The following SCYL2 variants were observed in gnomAD, a reference collection of about 807,000 sequenced individuals.
SCYL2 encodes the protein SCY1-like protein 2.
SCYL2 carries 36 observed loss-of-function variants against 100.4 expected under a neutral mutation model. The ratio of observed to expected loss-of-function variants is 0.36; its 90% confidence interval spans 0.27 to 0.47. The LOEUF (loss-of-function observed/expected upper bound fraction) is 0.47, where lower values mean the gene tolerates loss of function less well. SCYL2 is among the 20% of genes least tolerant of loss of function. The pLI is 1.00. For synonymous variants in SCYL2, 330 were observed against 359.2 expected (o/e 0.92, Z 0.92); for missense variants, 902 against 1,083.9 (o/e 0.83, Z 2.36).
intron 17 of SCYL2, among the ~76,000 whole-genome samples, chr12:100,338,176 T>C (rs539396890): frequency 3.6e-4 from 55 of 152,340 alleles, no homozygotes; most frequent in African/African-American, 1.3e-3. Flanking sequence ...CAAATTCCTA[T>C]AAAGTTTTGA....
At chr12:100,289,020 T>G (rs1345149256) in intron 2 of SCYL2, among the ~76,000 whole-genome samples, 1 of 151,948 alleles carries the variant, frequency 6.6e-6, no homozygotes, top group Non-Finnish European at 1.5e-5. Context: ...CACATTTAAA[T>G]TGGATACATT....
intron 12 of SCYL2, among the ~76,000 whole-genome samples, chr12:100,327,600 C>T (rs1157041214): frequency 4.6e-5 from 7 of 151,870 alleles, no homozygotes; most frequent in African/African-American, 1.7e-4. Flanking sequence ...CTGCAACCTC[C>T]GCCTCCCGAG....
Position 100,323,517 on chromosome 12 carries a change from C to G in SCYL2, c.1396-8C>G. 6.7e-7 allele frequency: 1 copy of G among 1,486,526 alleles called. No homozygotes were observed. Among genetic ancestry groups the G allele is most frequent in the Non-Finnish European group, 9.3e-7 (1 of 1,073,892 alleles). The allele number at this position is 1,486,526 out of a possible 1,614,324, so 92.1% of individuals were successfully genotyped here. On this transcript the variant is annotated splice_region_variant and splice_polypyrimidine_tract_variant and intron_variant, in intron 10 of 17. Coordinates refer to ENST00000360820, the MANE Select transcript of SCYL2 (RefSeq NM_017988.6). ...CCCTAATATTGATTCAGTTTATTTT[C>G]TTTATAGGAGCTCTGTCTAAACATC...
rs920761343 is a variant in SCYL2 at position 100,340,185 on chromosome 12, A to G, written c.*1013A>G. 1 of 152,620 alleles carries G rather than the reference A, an allele frequency of 6.6e-6. No homozygotes were observed. Among genetic ancestry groups the G allele is most frequent in the African/African-American group, 2.4e-5 (1 of 41,480 alleles). The allele number at this position is 152,620 out of a possible 1,614,324, so 9.5% of individuals were successfully genotyped here. A position where few individuals can be genotyped will look rare whatever the true frequency, so the allele number is the denominator to read the frequency against. ...ACCACCAACAGATTTTCAGCTTGCC[A>G]TGATAGTCTGACCTCATTAATTACT... is the stretch of plus-strand genomic sequence containing the variant. On this transcript the variant is annotated 3_prime_UTR_variant, in exon 18 of 18. Transcript: ENST00000360820.
At chr12:100,274,554 A>G (rs1414348201) in intron 1 of SCYL2, among the ~76,000 whole-genome samples, 1 of 152,192 alleles carries the variant, frequency 6.6e-6, no homozygotes, top group Non-Finnish European at 1.5e-5. Flanking sequence ...ATTTCTTATC[A>G]AACTTCCTTG....
At chr12:100,336,663 T>C (rs1468856963) in intron 16 of SCYL2, among the ~76,000 whole-genome samples, 1 of 152,120 alleles carries the variant, frequency 6.6e-6, no homozygotes. Context: ...TCTGATTCCA[T>C]CTCATAAGTA....
chr12:100,329,540 A>C (rs564214053), intron 13 of SCYL2, among the ~76,000 whole-genome samples: 1 of 152,318 alleles, frequency 6.6e-6, no homozygotes, highest in African/African-American at 2.4e-5. Flanking sequence ...AGGATTTGGG[A>C]CTACTTTAAA....
At chr12:100,314,430 A>T in intron 7 of SCYL2, 59 bp from the exon 8 acceptor site, 1 of 1,264,228 alleles carries the variant, frequency 7.9e-7, no homozygotes, top group Non-Finnish European at 1.1e-6. Context: ...ACAGTTTCAG[A>T]TATGAGAAGT....
rs758289429 is a variant in SCYL2, at chr12:100,298,075, C to T, written c.380C>T (p.Ala127Val). The T allele has an allele frequency of 3.7e-6, 6 of 1,611,500 alleles. No homozygotes were observed. Among genetic ancestry groups the T allele is most frequent in the Non-Finnish European group, 5.1e-6 (6 of 1,179,030 alleles). ...FCTEPVFASL[A>V]NVLGNWENLP... ...ACAGAACCAGTTTTTGCCAGTTTAG[C>T]CAATGTTCTTGGTAACTGGGAAAAT... Residue 127 changes from alanine to valine, a missense_variant, in exon 4 of 18, where the codon GCC (alanine) becomes GTC (valine). Ala to Val is a moderately conservative substitution (Grantham distance 64). Transcript: ENST00000360820.
In SCYL2 at chr12:100,283,130, A is replaced by G; in HGVS notation, c.160A>G (p.Lys54Glu). The change falls in exon 2 of 18, where the codon AAA becomes GAA. Residue 54 changes from lysine to glutamate, a missense_variant. Coordinates refer to ENST00000360820, the MANE Select transcript of SCYL2 (RefSeq NM_017988.6). Reference protein sequence around the residue: ...GLAWKIFNGTKKSTKQEVAVF... With the variant: ...GLAWKIFNGTEKSTKQEVAVF... ...AGCTTGGAAGATTTTTAATGGCACA[A>G]AAAAGTCAACAAAGCAGGTGAGTTT... The G allele has an allele frequency of 6.2e-7, 1 of 1,606,334 alleles. No individual in the cohort carries two copies.
chr12:100,279,588 A>G (rs191427377), intron 1 of SCYL2, among the ~76,000 whole-genome samples: 213 of 152,266 alleles, frequency 1.4e-3, no homozygotes, highest in Non-Finnish European at 2.6e-3. Flanking sequence ...TTGTTCTGGT[A>G]GGCTGTTTAG....
rs1051713235 is a variant in SCYL2 at position 100,267,327 on chromosome 12, G to C, written c.-494G>C. On this transcript the variant is annotated 5_prime_UTR_variant, in exon 1 of 18. Coordinates refer to ENST00000360820, the MANE Select transcript of SCYL2 (RefSeq NM_017988.6). ...CAGGCACGAAGGCAGAGCAGGAACA[G>C]CCAGGAGGCGTTTATTAGGGGGGCG... 1.2e-5 allele frequency: 5 copies of C among 403,264 alleles called. No homozygotes were observed. Among genetic ancestry groups the C allele is most frequent in the African/African-American group, 4.1e-5 (2 of 48,608 alleles). 25.0% of individuals were successfully genotyped at this position (403,264 alleles called of 1,614,324 possible). A position where few individuals can be genotyped will look rare whatever the true frequency, so the allele number is the denominator to read the frequency against.
At chr12:100,323,766 A>G (rs2096358851) in intron 11 of SCYL2, 128 bp downstream of exon 11, 3 of 538,746 alleles carry the variant, frequency 5.6e-6, no homozygotes, top group Non-Finnish European at 3.2e-6. Flanking sequence ...TAACTTGTAT[A>G]TAGTACTATA....
rs17030091 is a variant in SCYL2, at chr12:100,326,839, G to A, written c.1642+85G>A. Reference sequence around the variant, plus strand: ...TATAAAACAATTATACTCTCCTTTCGTGTATATAGCATTTCATAATTGAAG... The same window carrying A: ...TATAAAACAATTATACTCTCCTTTCATGTATATAGCATTTCATAATTGAAG... On this transcript the variant is annotated intron_variant, in intron 12 of 17. Coordinates refer to ENST00000360820, the MANE Select transcript of SCYL2 (RefSeq NM_017988.6). 6,254 of 1,103,790 alleles carry A rather than the reference G, an allele frequency of 5.7e-3. 253 individuals carry two copies. In the African/African-American group the frequency reaches 0.087, roughly 15 times the overall value. The allele number at this position is 1,103,790 out of a possible 1,614,324, so 68.4% of individuals were successfully genotyped here.
intron 16 of SCYL2, among the ~76,000 whole-genome samples, chr12:100,336,291 T>C (rs997275855): frequency 3.3e-5 from 5 of 152,234 alleles, no homozygotes; most frequent in Admixed American, 2.0e-4. Context: ...ATTGTTGCTC[T>C]TCAGTATTTT....
At chr12:100,294,350 C>T (rs2096314771) in intron 3 of SCYL2, among the ~76,000 whole-genome samples, 1 of 107,968 alleles carries the variant, frequency 9.3e-6, no homozygotes, top group East Asian at 2.9e-4. Context: ...GCGCCCCTCA[C>T]CTCCCAGACG....
intron 3 of SCYL2, 118 bp from the exon 4 acceptor site, chr12:100,297,913 A>G: frequency 2.4e-6 from 2 of 836,122 alleles, no homozygotes; most frequent in South Asian, 1.8e-5. Context: ...AAATTAACAA[A>G]TGTAAAATAG....
intron 14 of SCYL2, 24 bp downstream of exon 14, chr12:100,334,290 T>C: frequency 1.6e-6 from 2 of 1,286,208 alleles, no homozygotes; most frequent in Non-Finnish European, 2.2e-6. Context: ...ACATGAATTA[T>C]ATGTGGTCCG....
intron 4 of SCYL2, among the ~76,000 whole-genome samples, chr12:100,298,605 A>G (rs1418186730): frequency 1.3e-5 from 2 of 151,140 alleles, no homozygotes; most frequent in Non-Finnish European, 2.9e-5. Flanking sequence ...GCTGGAGTGC[A>G]ATGGCACGAT....
Sources: allele counts gnomAD v4.1 joint callset (sites outside exome capture counted in the v4.1 genomes callset), GRCh38; gene constraint gnomAD v4.1.1; transcripts MANE v1.5; gene names NCBI Gene and HGNC (gene_info 2026-07-23, HGNC 2026-07-21).